Variants in ZNF613 observed in about 807,000 individuals in gnomAD.
The protein encoded by ZNF613 is zinc finger protein 613.
A neutral mutation model predicts 14.3 loss-of-function variants in ZNF613; 8 were observed. That is an observed-to-expected ratio of 0.56 (90% CI 0.33 to 1.01). The LOEUF (loss-of-function observed/expected upper bound fraction) is 1.01. Among genes scored for constraint, ZNF613 ranks in the 50% least tolerant of loss-of-function variants. The pLI, the probability that ZNF613 is intolerant of heterozygous loss-of-function variation, is 0.03. For synonymous variants in ZNF613, 228 were observed against 254.5 expected (o/e 0.90, Z 0.99); for missense variants, 656 against 741.9 (o/e 0.88, Z 1.35).
At position 51,945,819 on chromosome 19, in the gene ZNF613, C is replaced by CTG. The variant is rs10688542; in HGVS notation, c.*83_*84dup. On this transcript the variant is annotated 3_prime_UTR_variant, in exon 6 of 6. Coordinates refer to ENST00000293471, the MANE Select transcript of ZNF613 (RefSeq NM_001031721.4). The stretch of plus-strand genomic sequence containing the variant: ...GTCACAAAAAACACAGAGGAACAAA[C>CTG]TGATATATTCAAGGTGGAAAGCCCT... 0.12 allele frequency: 177,765 copies of CTG among 1,483,748 alleles called. 13,756 individuals carry two copies. The highest frequency in any genetic ancestry group is 0.3 in the African/African-American group (22,023 of 72,488). 91.9% of individuals were successfully genotyped at this position (1,483,748 alleles called of 1,614,324 possible).
rs1051885034 is a variant in ZNF613 at position 51,945,307 on chromosome 19, A to G, written c.1424A>G (p.Gln475Arg). Residue 475 changes from glutamine (Q) to arginine (R), a missense_variant, in exon 6 of 6, where the codon CAG (glutamine) becomes CGG (arginine). Coordinates refer to ENST00000293471, the MANE Select transcript of ZNF613 (RefSeq NM_001031721.4). ...CSHKSGLINHQRIHTGEKPYT... is the reference protein window; with the variant it reads ...CSHKSGLINHRRIHTGEKPYT... ...CACAAGTCAGGTCTCATTAACCACC[A>G]GAGAATTCACACAGGAGAGAAACCC... The G allele has an allele frequency of 6.2e-7, 1 of 1,614,152 alleles. No homozygotes were observed. Among genetic ancestry groups the G allele is most frequent in the Non-Finnish European group, 8.5e-7 (1 of 1,180,012 alleles).
chr19:51,944,321 CA>C lies in ZNF613; in HGVS notation c.442del (p.Arg148GlyfsTer29). ...CAAATTTAAGTTTAGTCAACCAGAA[CA>C]AAAGGTATGAAATCAAGAATTCTGT... ...KSNLSLVNQN[K>X]RYEIKNSVGV... On this transcript the variant is annotated frameshift_variant, in exon 6 of 6. Transcript: ENST00000293471. LOFTEE classifies it low-confidence loss of function (END_TRUNC). 1 of 1,594,728 alleles carries C rather than the reference CA, an allele frequency of 6.3e-7. No homozygotes were observed. Among genetic ancestry groups the C allele is most frequent in the Non-Finnish European group, 8.6e-7 (1 of 1,166,824 alleles).
In ZNF613 at chr19:51,929,747, A is replaced by G. The variant is rs1057189317; in HGVS notation, c.-343A>G. The G allele has an allele frequency of 6.6e-6, 1 of 151,982 alleles. No individual in the cohort carries two copies. Among genetic ancestry groups the G allele is most frequent in the African/African-American group, 2.4e-5 (1 of 41,364 alleles). 9.4% of individuals were successfully genotyped at this position (151,982 alleles called of 1,614,324 possible). Reference sequence around the variant, plus strand: ...CTTTTTATAGAGATGGCATCTCACTATGTTGCCCAGGCTGATCTTGAACTC... The same window carrying G: ...CTTTTTATAGAGATGGCATCTCACTGTGTTGCCCAGGCTGATCTTGAACTC... On this transcript the variant is annotated 5_prime_UTR_variant, in exon 2 of 6. An upstream start codon of the reference 5' UTR is lost. Transcript: ENST00000293471.
At chr19:51,934,115 T>C (rs1422372490) in intron 2 of ZNF613, among the ~76,000 whole-genome samples, 1 of 152,236 alleles carries the variant, frequency 6.6e-6, no homozygotes, top group East Asian at 1.9e-4. Flanking sequence ...TCACCTTTTT[T>C]TTGACTCAAT....
At chr19:51,929,537 A>G (rs1221933225) in intron 1 of ZNF613, among the ~76,000 whole-genome samples, 195 bp from the exon 2 acceptor site, 1 of 152,184 alleles carries the variant, frequency 6.6e-6, no homozygotes, top group African/African-American at 2.4e-5. Flanking sequence ...TGGTCACCTT[A>G]CTGAACAAAC....
At chr19:51,935,476 T>C (rs745604184) in intron 2 of ZNF613, among the ~76,000 whole-genome samples, 63 of 152,354 alleles carry the variant, frequency 4.1e-4, no homozygotes, top group Admixed American at 9.1e-4. Flanking sequence ...TAGTCAAATC[T>C]GTAAGCCTTA....
chr19:51,936,101 C>A lies in ZNF613; in HGVS notation c.-120C>A. The stretch of plus-strand genomic sequence containing the variant: ...GGAGGTTCCAGGACCTGGATACCAT[C>A]CTTTGCAGGGATGTAATTCACCAGA... On this transcript the variant is annotated 5_prime_UTR_variant, in exon 3 of 6. Coordinates refer to ENST00000293471, the MANE Select transcript of ZNF613 (RefSeq NM_001031721.4). The A allele has an allele frequency of 9.4e-7, 1 of 1,060,344 alleles. No individual in the cohort carries two copies. The highest frequency in any genetic ancestry group is 1.4e-6 in the Non-Finnish European group (1 of 734,130). The allele number at this position is 1,060,344 out of a possible 1,614,324, so 65.7% of individuals were successfully genotyped here.
intron 3 of ZNF613, among the ~76,000 whole-genome samples, chr19:51,937,937 G>T (rs1239111563): frequency 6.6e-6 from 1 of 151,872 alleles, no homozygotes; most frequent in African/African-American, 2.4e-5. Flanking sequence ...CACCATGTTG[G>T]CCAGGCTGGT....
intron 2 of ZNF613, among the ~76,000 whole-genome samples, chr19:51,932,516 C>T (rs1381185633): frequency 3.3e-5 from 5 of 151,030 alleles, no homozygotes; most frequent in Non-Finnish European, 7.4e-5. Flanking sequence ...GGGCTAGTCT[C>T]GAACTCCCGA....
chr19:51,931,180 C>A (rs1256639605), intron 2 of ZNF613, among the ~76,000 whole-genome samples: 1 of 152,204 alleles, frequency 6.6e-6, no homozygotes, highest in Non-Finnish European at 1.5e-5. Flanking sequence ...TCCTTTACGT[C>A]AACTTTGCAT....
At position 51,944,135 on chromosome 19, in the gene ZNF613, C is replaced by T. The variant is rs962072158; in HGVS notation, c.252C>T (p.Asp84=). 1.3e-6 allele frequency: 2 copies of T among 1,526,118 alleles called. No individual in the cohort carries two copies. 94.5% of individuals were successfully genotyped at this position (1,526,118 alleles called of 1,614,324 possible). Residue 84 remains aspartate (D), a synonymous_variant, in exon 6 of 6, where the codon GAC becomes GAT. Transcript: ENST00000293471. ...CTTTCCTAGAAATCAAGAAAGTTGA[C>T]AATCATCTACAGATGCACTCACAAA... The part of the protein sequence containing the change: ...SQICPEIKKV[D]NHLQMHSQKQ...
rs1190620659 is a variant in ZNF613 at position 51,945,951 on chromosome 19, A to T, written c.*214A>T. 1 of 573,836 alleles carries T rather than the reference A, an allele frequency of 1.7e-6. No individual in the cohort carries two copies. Among genetic ancestry groups the T allele is most frequent in the Non-Finnish European group, 3.1e-6 (1 of 324,056 alleles). The allele number at this position is 573,836 out of a possible 1,614,324, so 35.5% of individuals were successfully genotyped here. ...GATAGATCTTCTCATCAGTGACCAT[A>T]GATCACATCTTCAGTGAGCTTATAG... On this transcript the variant is annotated 3_prime_UTR_variant, in exon 6 of 6. Transcript: ENST00000293471.
intron 2 of ZNF613, among the ~76,000 whole-genome samples, chr19:51,932,446 C>T (rs1485516342): frequency 6.6e-6 from 1 of 151,084 alleles, no homozygotes; most frequent in Non-Finnish European, 1.5e-5. Flanking sequence ...TACGGGCATG[C>T]GCCACCATGC....
At chr19:51,934,463 G>A (rs920329651) in intron 2 of ZNF613, among the ~76,000 whole-genome samples, 4 of 151,878 alleles carry the variant, frequency 2.6e-5, no homozygotes, top group African/African-American at 4.8e-5. Flanking sequence ...TATAATGCAT[G>A]TTTTATTAAA....
chr19:51,944,079 C>G, intron 5 of ZNF613, 40 bp from the exon 6 acceptor site: 1 of 1,490,306 alleles, frequency 6.7e-7, no homozygotes, highest in South Asian at 1.4e-5. Flanking sequence ...TAGTTCTATT[C>G]CATGCTCATG....
At chr19:51,939,943 A>G (rs1233863468) in intron 3 of ZNF613, among the ~76,000 whole-genome samples, 1 of 152,250 alleles carries the variant, frequency 6.6e-6, no homozygotes, top group South Asian at 2.1e-4. Flanking sequence ...AGAGGATTAA[A>G]TGATTGGTTC....
rs1441244680 is a variant in ZNF613, at chr19:51,945,034, AG to A, written c.1154del (p.Gly385GlufsTer59). ...CRDCGKGFIQ[K>X]GNLIVHQRIH... Reference sequence around the variant, plus strand: ...GATTGTGGAAAAGGCTTCATTCAGAAGGGAAATCTCATTGTACATCAGCGAA... The same window carrying A: ...GATTGTGGAAAAGGCTTCATTCAGAAGGAAATCTCATTGTACATCAGCGAA... On this transcript the variant is annotated frameshift_variant, in exon 6 of 6. Transcript: ENST00000293471. LOFTEE classifies it low-confidence loss of function (END_TRUNC). The A allele has an allele frequency of 4.3e-6, 7 of 1,614,132 alleles. No individual in the cohort carries two copies. The African/African-American group carries it at 5.3e-5, about 12-fold the overall frequency.
Position 51,936,033 on chromosome 19 carries a change from A to G in ZNF613, c.-188A>G, listed in dbSNP as rs1455650720. On this transcript the variant is annotated 5_prime_UTR_variant, in exon 3 of 6. Coordinates refer to ENST00000293471, the MANE Select transcript of ZNF613 (RefSeq NM_001031721.4). ...CAAATCAATTTACTCTTCAGCCCAC[A>G]GGTCCTGACTTCAGGAGCAAGACAC... The G allele has an allele frequency of 8.1e-6, 4 of 492,136 alleles. No homozygotes were observed. The highest frequency in any genetic ancestry group is 1.4e-5 in the Non-Finnish European group (4 of 279,894). The allele number at this position is 492,136 out of a possible 1,614,324, so 30.5% of individuals were successfully genotyped here.
chr19:51,931,886 G>A lies in ZNF613; in HGVS notation c.-194+1990G>A, dbSNP rs1599902342. Among the ~76,000 whole-genome samples, 4 of 152,132 alleles carry A rather than the reference G, an allele frequency of 2.6e-5. No individual in the cohort carries two copies. The South Asian group carries it at 6.2e-4, about 24-fold the overall frequency. On this transcript the variant is annotated intron_variant, in intron 2 of 5. Coordinates refer to ENST00000293471, the MANE Select transcript of ZNF613 (RefSeq NM_001031721.4). ...TGATTCCTGGTAGACTGAACAAAGC[G>A]GGGCAAACGAGGGAATAAAAGACAA...
Sources: allele counts gnomAD v4.1 joint callset (sites outside exome capture counted in the v4.1 genomes callset), GRCh38; gene constraint gnomAD v4.1.1; transcripts MANE v1.5; gene names NCBI Gene and HGNC (gene_info 2026-07-23, HGNC 2026-07-21).